The following DIXDC1 variants were observed in gnomAD, a reference collection of about 807,000 sequenced individuals.
The protein encoded by DIXDC1 is dixin.
A neutral mutation model predicts 103.1 loss-of-function variants in DIXDC1; 64 were observed. The ratio of observed to expected loss-of-function variants is 0.62; its 90% CI spans 0.51 to 0.76. The LOEUF is 0.76. Ranked by LOEUF, DIXDC1 falls within the 30% of genes least tolerant of loss-of-function variation. DIXDC1 has a pLI of 0.00. For synonymous variants in DIXDC1, 266 were observed against 298.5 expected (o/e 0.89, Z 1.12); for missense variants, 759 against 834.2 (o/e 0.91, Z 1.11).
intron 4 of DIXDC1, 158 bp downstream of exon 4, chr11:111,974,412 A>G (rs1860032543): frequency 3.0e-6 from 2 of 671,604 alleles, no homozygotes; most frequent in South Asian, 4.2e-5. Context: ...TCAAAAGAGA[A>G]AAGCCTTTTC....
chr11:111,982,492 C>T lies in DIXDC1; in HGVS notation c.918+5C>T. The T allele has an allele frequency of 6.2e-7, 1 of 1,612,334 alleles. No individual in the cohort carries two copies. Among genetic ancestry groups the T allele is most frequent in the South Asian group, 1.1e-5 (1 of 90,710 alleles). ...AAAATGATATCAGGACTACAGGTAG[C>T]TCTCTCCCTTGTAGTTTGCCCTTGT... On this transcript the variant is annotated splice_donor_5th_base_variant and intron_variant, in intron 7 of 19. Coordinates refer to ENST00000440460, the MANE Select transcript of DIXDC1 (RefSeq NM_001037954.4).
intron 17 of DIXDC1, among the ~76,000 whole-genome samples, chr11:112,013,321 TGGGGGTGGGGTGGG>T (rs1861484019): frequency 2.8e-5 from 1 of 35,710 alleles, no homozygotes; most frequent in Non-Finnish European, 5.7e-5. Context: ...GGTCGGGGGG[TGGGGGTGGGGTGGG>T]GGGGGGGAAC....
intron 2 of DIXDC1, among the ~76,000 whole-genome samples, chr11:111,932,108 G>A (rs1161917694): frequency 1.4e-5 from 2 of 140,966 alleles, no homozygotes; most frequent in African/African-American, 5.4e-5. Flanking sequence ...TCAGCTCACT[G>A]CAACCTCTGC....
At chr11:111,932,877 TGTCA>T (rs1555167804), upstream of DIXDC1, among the ~76,000 whole-genome samples, 1 of 152,228 alleles carries the variant, frequency 6.6e-6, no homozygotes, top group Non-Finnish European at 1.5e-5. Context: ...TATGTGTAAC[TGTCA>T]GTTATTCAAG....
chr11:111,964,552 C>T lies in DIXDC1; in HGVS notation c.64C>T (p.Gln22Ter). 6.3e-7 allele frequency: 1 copy of T among 1,599,302 alleles called. No homozygotes were observed. Among genetic ancestry groups the T allele is most frequent in the Non-Finnish European group, 8.5e-7 (1 of 1,172,514 alleles). The change falls in exon 2 of 20, where the codon CAG becomes TAG. Residue 22 changes from glutamine (Q) to a stop codon, truncating the protein, a stop_gained. Transcript: ENST00000440460. LOFTEE classifies it high-confidence loss of function. ...ACTTATATCTTTTATTTTCCAGCAA[C>T]AGCTGCAGGCCTATGTGGCCTGGGT... is the stretch of plus-strand genomic sequence containing the variant. ...DVLQEGFNEQ[Q>*]LQAYVAWVNA...
Position 111,974,077 on chromosome 11 carries a change from C to A in DIXDC1, c.371C>A (p.Ala124Asp). 6.2e-7 allele frequency: 1 copy of A among 1,613,990 alleles called. No homozygotes were observed. The highest frequency in any genetic ancestry group is 8.5e-7 in the Non-Finnish European group (1 of 1,179,888). The change falls in exon 4 of 20, where the codon GCT becomes GAT. Residue 124 changes from alanine (A) to aspartate (D), a missense_variant. Around this residue, in one of 3 missense-constraint regions of DIXDC1, gnomAD observed 657 missense variants for 727.5 expected, o/e 0.90. Coordinates refer to ENST00000440460, the MANE Select transcript of DIXDC1 (RefSeq NM_001037954.4). Reference sequence around the variant, plus strand: ...ATGAGGCTGGTCCTTGCCTTGGCAGCTCATTTCAAACCTGGCTCCAGCAGG... The same window carrying A: ...ATGAGGCTGGTCCTTGCCTTGGCAGATCATTTCAAACCTGGCTCCAGCAGG... ...SIMRLVLALA[A>D]HFKPGSSRTV... is the part of the protein sequence containing the mutation.
chr11:112,004,026 T>TTATATATA (rs34490826), intron 17 of DIXDC1, among the ~76,000 whole-genome samples: 3 of 128,500 alleles, frequency 2.3e-5, no homozygotes, highest in East Asian at 2.2e-4. Context: ...AAAAAAAAAA[T>TTATATATA]TATATATATA....
intron 10 of DIXDC1, among the ~76,000 whole-genome samples, chr11:111,990,211 C>T (rs1221396517): frequency 6.6e-6 from 1 of 151,946 alleles, no homozygotes; most frequent in Non-Finnish European, 1.5e-5. Flanking sequence ...CTGCCTCAGC[C>T]TCCCGAGTAG....
At chr11:111,990,102 T>C (rs75396301) in intron 10 of DIXDC1, among the ~76,000 whole-genome samples, 22 of 115,960 alleles carry the variant, frequency 1.9e-4, no homozygotes, top group Non-Finnish European at 3.3e-4. Context: ...TTTTTTTTTT[T>C]AATGTTGACA....
At chr11:111,992,649 A>C in intron 11 of DIXDC1, 130 bp downstream of exon 11, 13 of 815,546 alleles carry the variant, frequency 1.6e-5, no homozygotes, top group Non-Finnish European at 2.5e-5. Flanking sequence ...AAGTGTCTGC[A>C]GTTATTTTTA....
intron 1 of DIXDC1, among the ~76,000 whole-genome samples, chr11:111,956,248 T>C (rs1859361619): frequency 1.3e-5 from 2 of 152,222 alleles, no homozygotes; most frequent in South Asian, 4.1e-4. Flanking sequence ...AGTTGCTTAC[T>C]TGGTACAGTT....
chr11:111,982,215 C>A, intron 6 of DIXDC1, 124 bp from the exon 7 acceptor site: 2 of 1,061,786 alleles, frequency 1.9e-6, no homozygotes, highest in Non-Finnish European at 2.7e-6. Flanking sequence ...AGAGTCCAGT[C>A]TGTGCTATGA....
At position 111,977,815 on chromosome 11, in the gene DIXDC1, C is replaced by A; in HGVS notation, c.656+2832C>A. 1 of 1,550,682 alleles carries A rather than the reference C, an allele frequency of 6.4e-7. No homozygotes were observed. The highest frequency in any genetic ancestry group is 2.5e-5 in the East Asian group (1 of 40,020). ...AAATGGTGAGCTGAAGCCACTCTGG[C>A]TTTGGAAGTGGGGGGCCTGGGTGGG... On this transcript the variant is annotated intron_variant, in intron 5 of 19. Coordinates refer to ENST00000440460, the MANE Select transcript of DIXDC1 (RefSeq NM_001037954.4). This position sits in a 1 kb window ranked among gnomAD's most constrained non-coding sequence, Gnocchi z 6.1.
chr11:111,993,118 T>A lies in DIXDC1; in HGVS notation c.1272+114T>A, dbSNP rs797038119. ...ATTTTCATCCTTTTTGATTTTTTTTTATCCTTGCTTTTTAGAAGGAAGCAT... is the reference window on the plus strand; with the variant it reads ...ATTTTCATCCTTTTTGATTTTTTTTAATCCTTGCTTTTTAGAAGGAAGCAT... On this transcript the variant is annotated intron_variant, in intron 12 of 19. Transcript: ENST00000440460. 1.9e-5 allele frequency: 23 copies of A among 1,226,012 alleles called. 1 individual carries two copies. In the African/African-American group the frequency reaches 3.5e-4, roughly 19 times the overall value. The allele number at this position is 1,226,012 out of a possible 1,614,324, so 75.9% of individuals were successfully genotyped here.
At chr11:111,953,732 A>G (rs1367291447) in intron 1 of DIXDC1, among the ~76,000 whole-genome samples, 3 of 152,228 alleles carry the variant, frequency 2.0e-5, no homozygotes, top group Non-Finnish European at 2.9e-5. Context: ...TAAATGAATA[A>G]TATAACCACA....
At chr11:112,014,718 G>A (rs959086119) in intron 17 of DIXDC1, among the ~76,000 whole-genome samples, 2 of 152,040 alleles carry the variant, frequency 1.3e-5, no homozygotes, top group African/African-American at 2.4e-5. Flanking sequence ...TTCTCAAATC[G>A]AACACACAGT....
Position 111,993,584 on chromosome 11 carries a change from A to G in DIXDC1, c.1361A>G (p.His454Arg), listed in dbSNP as rs912605152. Residue 454 changes from histidine (H) to arginine (R), a missense_variant, in exon 13 of 20, where the codon CAC (histidine) becomes CGC (arginine). Physicochemically the swap from His to Arg is conservative, Grantham distance 29 (BLOSUM62 0). This residue lies in a region of DIXDC1 where 657 missense variants were observed against 727.5 expected (regional missense o/e 0.90). Transcript: ENST00000440460. ...ALRKLSDVSY[H>R]QVDLERELEH... ...CGGAAACTCTCTGATGTCAGTTACC[A>G]CCAGGTCAGAACATATTCAGCCACT... is the stretch of plus-strand genomic sequence containing the variant. 1.9e-6 allele frequency: 3 copies of G among 1,614,030 alleles called. No homozygotes were observed. The highest frequency in any genetic ancestry group is 2.5e-6 in the Non-Finnish European group (3 of 1,179,896).
At chr11:111,933,149 A>G (rs1230919676), upstream of DIXDC1, among the ~76,000 whole-genome samples, 1 of 152,058 alleles carries the variant, frequency 6.6e-6, no homozygotes, top group Non-Finnish European at 1.5e-5. Flanking sequence ...TTTTTTTGAG[A>G]CGGAGTTACG....
At chr11:111,992,833 A>G in intron 11 of DIXDC1, 118 bp from the exon 12 acceptor site, 3 of 1,019,980 alleles carry the variant, frequency 2.9e-6, no homozygotes, top group Non-Finnish European at 4.4e-6. Flanking sequence ...TTTTACCATC[A>G]TACCCTCTCT....
Sources: allele counts gnomAD v4.1 joint callset (sites outside exome capture counted in the v4.1 genomes callset), GRCh38; gene constraint gnomAD v4.1.1; regional missense constraint gnomAD v4.1.1; non-coding constraint Gnocchi (gnomAD v3.1); transcripts MANE v1.5; gene names NCBI Gene and HGNC (gene_info 2026-07-23, HGNC 2026-07-21).